Variants in ADAMTS14 observed in about 807,000 individuals in gnomAD.
ADAMTS14 encodes ADAM metallopeptidase with thrombospondin type 1 motif 14.
ADAMTS14 carries 100 observed loss-of-function variants against 128.6 expected under a neutral mutation model. The observed-to-expected ratio is 0.78, with a 90% CI of 0.66 to 0.92. The LOEUF (loss-of-function observed/expected upper bound fraction) is 0.92. Among genes scored for constraint, ADAMTS14 ranks in the 40% least tolerant of loss-of-function variants. ADAMTS14 has a pLI of 0.00. For missense variants in ADAMTS14, 1,562 were observed against 1,658.6 expected (o/e 0.94, Z 1.01); for synonymous variants, 665 against 653.8 (o/e 1.02, Z -0.26).
In ADAMTS14 at chr10:70,753,952, G is replaced by A. The variant is rs138756010; in HGVS notation, c.2882G>A (p.Arg961Gln). Residue 961 changes from arginine (R) to glutamine (Q), a missense_variant, in exon 19 of 22, where the codon CGG (arginine) becomes CAG (glutamine). Arg to Gln is a conservative substitution (Grantham distance 43, BLOSUM62 1). Coordinates refer to ENST00000373207, the MANE Select transcript of ADAMTS14 (RefSeq NM_080722.4). The stretch of plus-strand genomic sequence containing the variant: ...GCCGGGGACCGGCCTGAGGCCCGAC[G>A]GCCCTGTCTCCGAGTGCCCTGCCCA... ...ACAGDRPEAR[R>Q]PCLRVPCPAQ... is the part of the protein sequence containing the mutation. 156 of 1,584,856 alleles carry A rather than the reference G, an allele frequency of 9.8e-5. No individual in the cohort carries two copies. Among genetic ancestry groups the A allele is most frequent in the Non-Finnish European group, 1.2e-4 (142 of 1,166,640 alleles).
At position 70,730,230 on chromosome 10, in the gene ADAMTS14, G is replaced by A. The variant is rs1841591835; in HGVS notation, c.1083G>A (p.Arg361=). ...ATGACCACGTTGTGTTCCTCACCCG[G>A]CAGGACTTTGGGCCCTCAGGTATGC... ...EHHDHVVFLT[R]QDFGPSGYAP... is the part of the protein sequence containing the mutation. Residue 361 remains arginine (R), a synonymous_variant, in exon 6 of 22, where the codon CGG becomes CGA. Coordinates refer to ENST00000373207, the MANE Select transcript of ADAMTS14 (RefSeq NM_080722.4). 2 of 1,614,014 alleles carry A rather than the reference G, an allele frequency of 1.2e-6. No homozygotes were observed. The highest frequency in any genetic ancestry group is 4.5e-5 in the East Asian group (2 of 44,882).
At chr10:70,708,407 T>C (rs1289250020) in intron 3 of ADAMTS14, among the ~76,000 whole-genome samples, 181 bp from the exon 4 acceptor site, 1 of 152,210 alleles carries the variant, frequency 6.6e-6, no homozygotes, top group East Asian at 1.9e-4. Context: ...AGTGCCCTCA[T>C]GGCAGGAAAA....
chr10:70,752,719 C>T (rs992884567), intron 18 of ADAMTS14, among the ~76,000 whole-genome samples: 5 of 152,186 alleles, frequency 3.3e-5, no homozygotes, highest in African/African-American at 4.8e-5. Flanking sequence ...CAGAGGGCAT[C>T]GCCCATCCTC....
intron 15 of ADAMTS14, among the ~76,000 whole-genome samples, chr10:70,748,965 G>A (rs1842266126): frequency 6.6e-6 from 1 of 152,230 alleles, no homozygotes; most frequent in Non-Finnish European, 1.5e-5. Context: ...CCACCCACCT[G>A]CCTCCCGGGG....
chr10:70,755,036 T>C (rs1238593177), intron 19 of ADAMTS14, among the ~76,000 whole-genome samples: 1 of 152,088 alleles, frequency 6.6e-6, no homozygotes, highest in African/African-American at 2.4e-5. Flanking sequence ...ATCCCAACAC[T>C]TTGGGAGGCT....
At chr10:70,759,716 G>A (rs991496999) in intron 21 of ADAMTS14, among the ~76,000 whole-genome samples, 6 of 152,204 alleles carry the variant, frequency 3.9e-5, no homozygotes, top group Non-Finnish European at 8.8e-5. Flanking sequence ...GCTGACTGTG[G>A]CAGGATGGTC....
At chr10:70,704,514 C>T (rs980840619) in intron 3 of ADAMTS14, among the ~76,000 whole-genome samples, 3 of 151,870 alleles carry the variant, frequency 2.0e-5, no homozygotes, top group South Asian at 4.2e-4. Flanking sequence ...CTCACAAACA[C>T]ACACCCATAC....
At chr10:70,740,077 T>C (rs1841948741) in intron 11 of ADAMTS14, among the ~76,000 whole-genome samples, 1 of 152,250 alleles carries the variant, frequency 6.6e-6, no homozygotes, top group South Asian at 2.1e-4. Flanking sequence ...TCCTGTGTAA[T>C]AACAACTATT....
chr10:70,702,255 CTG>C, intron 2 of ADAMTS14, 55 bp from the exon 3 acceptor site: 1 of 1,610,786 alleles, frequency 6.2e-7, no homozygotes, highest in South Asian at 1.1e-5. Context: ...GTCGGCTGTA[CTG>C]TGTGTTCATG....
Position 70,758,000 on chromosome 10 carries a change from G to T in ADAMTS14, c.2976G>T (p.Gln992His), listed in dbSNP as rs777988730. Reference sequence around the variant, plus strand: ...GTGGAGAGGGCATCCAGCAGCGGCAGGTGGTGTGCAGGACCAACGCCAACA... The same window carrying T: ...GTGGAGAGGGCATCCAGCAGCGGCATGTGGTGTGCAGGACCAACGCCAACA... ...ATCGEGIQQR[Q>H]VVCRTNANSL... Residue 992 changes from glutamine to histidine, a missense_variant, in exon 20 of 22, where the codon CAG (glutamine) becomes CAT (histidine). Physicochemically the swap from Gln to His is conservative, Grantham distance 24. Transcript: ENST00000373207. The T allele has an allele frequency of 5.9e-5, 95 of 1,613,302 alleles. No homozygotes were observed. Among genetic ancestry groups the T allele is most frequent in the Non-Finnish European group, 7.7e-5 (91 of 1,179,914 alleles).
chr10:70,680,563 C>A (rs1468151531), intron 2 of ADAMTS14, among the ~76,000 whole-genome samples: 5 of 152,072 alleles, frequency 3.3e-5, no homozygotes, highest in East Asian at 1.9e-4. Context: ...AGCTGTGGGA[C>A]CTTGAGCGAG....
In ADAMTS14 at chr10:70,760,421, C is replaced by T. The variant is rs1245328763; in HGVS notation, c.3240C>T (p.Cys1080=). 1 of 1,612,078 alleles carries T rather than the reference C, an allele frequency of 6.2e-7. No individual in the cohort carries two copies. The highest frequency in any genetic ancestry group is 1.1e-5 in the South Asian group (1 of 90,818). The stretch of plus-strand genomic sequence containing the variant: ...AGATGGAAGTGCTCGATCGCTACTG[C>T]TCCATTCCCGGCTACCACCGGCTCT... ...FCQMEVLDRY[C]SIPGYHRLCC... The change falls in exon 22 of 22, where the codon TGC becomes TGT. Residue 1080 remains cysteine, a synonymous_variant. Transcript: ENST00000373207.
At chr10:70,721,517 C>G (rs889233173) in intron 4 of ADAMTS14, among the ~76,000 whole-genome samples, 3 of 151,980 alleles carry the variant, frequency 2.0e-5, no homozygotes, top group African/African-American at 7.3e-5. Flanking sequence ...TCCCGAGTAG[C>G]TAGGACTACA....
Position 70,752,171 on chromosome 10 carries a change from G to A in ADAMTS14, c.2673G>A (p.Lys891=), listed in dbSNP as rs753774999. The part of the protein sequence containing the change: ...HMVQRHLCDH[K]KRPKPIRRRC... ...TGCAGCGACACCTGTGTGACCACAA[G>A]AAGAGGCCCAAGCCCATCCGCCGGC... Residue 891 remains lysine (K), a synonymous_variant, in exon 18 of 22, where the codon AAG becomes AAA. Coordinates refer to ENST00000373207, the MANE Select transcript of ADAMTS14 (RefSeq NM_080722.4). The A allele has an allele frequency of 6.2e-7, 1 of 1,613,726 alleles. No individual in the cohort carries two copies. Among genetic ancestry groups the A allele is most frequent in the South Asian group, 1.1e-5 (1 of 91,090 alleles).
chr10:70,710,398 C>A (rs1166058508), intron 4 of ADAMTS14, among the ~76,000 whole-genome samples: 2 of 152,254 alleles, frequency 1.3e-5, no homozygotes, highest in African/African-American at 4.8e-5. Flanking sequence ...TGGGCCCTCA[C>A]TGGCCTTGAT....
At chr10:70,680,653 T>C (rs548248192) in intron 2 of ADAMTS14, among the ~76,000 whole-genome samples, 1 of 152,238 alleles carries the variant, frequency 6.6e-6, no homozygotes, top group African/African-American at 2.4e-5. Flanking sequence ...GTTCAGAGGA[T>C]TAAATGAGAT....
chr10:70,746,738 AT>A (rs200733222), intron 15 of ADAMTS14, among the ~76,000 whole-genome samples: 1 of 151,678 alleles, frequency 6.6e-6, no homozygotes, highest in Non-Finnish European at 1.5e-5. Context: ...CTCAAAAAAA[AT>A]TTTTTTTTCA....
chr10:70,756,261 T>G (rs1242512385), intron 19 of ADAMTS14, among the ~76,000 whole-genome samples: 1 of 152,214 alleles, frequency 6.6e-6, no homozygotes, highest in Non-Finnish European at 1.5e-5. Context: ...TGTGAATAAC[T>G]CCATACTTTT....
intron 10 of ADAMTS14, 34 bp from the exon 11 acceptor site, chr10:70,738,808 C>A (rs1841905969): frequency 1.9e-6 from 3 of 1,612,918 alleles, no homozygotes; most frequent in Admixed American, 3.3e-5. Flanking sequence ...CAGCAGCAGC[C>A]CAGGGTGACC....
Sources: gnomAD v4.1 joint callset for allele counts (sites outside exome capture counted in the v4.1 genomes callset) on GRCh38, gnomAD v4.1.1 for gene constraint, MANE v1.5 for transcripts, NCBI Gene and HGNC (gene_info 2026-07-23, HGNC 2026-07-21) for gene names.